HERC3: variants seen among roughly 807,000 people sequenced by gnomAD.
The protein encoded by HERC3 is HECT and RLD domain containing E3 ubiquitin protein ligase 3.
HERC3 carries 58 observed loss-of-function variants against 129.9 expected under a neutral mutation model. That is an observed-to-expected ratio of 0.45 (90% CI 0.36 to 0.56). HERC3 has a LOEUF of 0.56. Ranked by LOEUF, HERC3 falls within the 20% of genes least tolerant of loss-of-function variation. The pLI, the probability that HERC3 is intolerant of heterozygous loss-of-function variation, is 0.00. For missense variants in HERC3, 835 were observed against 1,244.2 expected, an observed-to-expected ratio of 0.67 and a Z score of 4.95; for synonymous variants, 430 against 451.0, an observed-to-expected ratio of 0.95 and a Z score of 0.59.
At chr4:88,667,517 C>T in intron 13 of HERC3, 29 bp downstream of exon 13, 2 of 1,195,390 alleles carry the variant, frequency 1.7e-6, no homozygotes, top group Non-Finnish European at 2.4e-6. Flanking sequence ...AAAGTGCATT[C>T]TTAAAAATGC....
At chr4:88,535,202 A>T in the HERC3 span, among the ~76,000 whole-genome samples, 2 of 152,216 alleles carry the variant, frequency 1.3e-5, no homozygotes, top group Non-Finnish European at 2.9e-5. Flanking sequence ...TAAGCCTGTC[A>T]GGCATCTTTG....
intron 2 of HERC3, among the ~76,000 whole-genome samples, chr4:88,603,251 A>G (rs1006493229): frequency 3.1e-5 from 4 of 130,322 alleles, no homozygotes; most frequent in South Asian, 2.3e-4. Context: ...CTTGTTGCCC[A>G]GGCTGGAGTG....
chr4:88,656,556 T>C (rs1729919996), intron 9 of HERC3: 1 of 154,982 alleles, frequency 6.5e-6, no homozygotes. Flanking sequence ...AAGCCATTCA[T>C]GAGGGATCCG....
At chr4:88,664,967 G>T (rs1166203847) in intron 12 of HERC3, among the ~76,000 whole-genome samples, 1 of 152,090 alleles carries the variant, frequency 6.6e-6, no homozygotes, top group Non-Finnish European at 1.5e-5. Context: ...CTTGTCATGG[G>T]TTTGGATCTT....
chr4:88,591,983 C>G (rs1721738688), upstream of HERC3, among the ~76,000 whole-genome samples: 2 of 152,078 alleles, frequency 1.3e-5, no homozygotes, highest in Non-Finnish European at 2.9e-5. Flanking sequence ...CGCGCAGCGC[C>G]GCGGGCCGGC....
chr4:88,586,205 G>A, the HERC3 span, among the ~76,000 whole-genome samples: 1,674 of 152,296 alleles, frequency 0.011, 39 homozygotes, highest in African/African-American at 0.038. Flanking sequence ...TTGGTTAAAT[G>A]ACAGCATATC....
chr4:88,578,515 G>A, the HERC3 span, among the ~76,000 whole-genome samples: 4 of 151,864 alleles, frequency 2.6e-5, no homozygotes, highest in Non-Finnish European at 5.9e-5. Flanking sequence ...CCGGGGGGTG[G>A]AGGTTGCAGT....
chr4:88,682,473 C>A (rs575133113), intron 21 of HERC3, among the ~76,000 whole-genome samples: 4 of 108,482 alleles, frequency 3.7e-5, no homozygotes, highest in African/African-American at 1.4e-4. Flanking sequence ...CCTTCCCCGA[C>A]CCCCCCACCC....
intron 3 of HERC3, among the ~76,000 whole-genome samples, chr4:88,632,268 G>A (rs944445430): frequency 1.3e-5 from 2 of 152,194 alleles, no homozygotes; most frequent in East Asian, 1.9e-4. Context: ...CCACTCTGTG[G>A]TGTACGCAGG....
chr4:88,643,169 A>C (rs1728315905), intron 3 of HERC3, among the ~76,000 whole-genome samples: 1 of 152,226 alleles, frequency 6.6e-6, no homozygotes, highest in African/African-American at 2.4e-5. Flanking sequence ...CTTAGGTATA[A>C]CTTTAACAAA....
At chr4:88,572,882 G>A in the HERC3 span, among the ~76,000 whole-genome samples, 2 of 151,786 alleles carry the variant, frequency 1.3e-5, no homozygotes, top group Admixed American at 6.6e-5. Flanking sequence ...ATATAAATGG[G>A]GAAAACTTAA....
At chr4:88,525,019 G>T in the HERC3 span, 1 of 109,490 alleles carries the variant, frequency 9.1e-6, no homozygotes, top group African/African-American at 3.5e-5. Flanking sequence ...GGGCCATCCT[G>T]TTTTTTTTAA....
chr4:88,652,621 A>G (rs546190307), intron 5 of HERC3, among the ~76,000 whole-genome samples: 2 of 152,152 alleles, frequency 1.3e-5, no homozygotes, highest in Non-Finnish European at 2.9e-5. Context: ...ATTTACTTAT[A>G]CATTTAATAT....
chr4:88,688,060 A>C (rs1396543291), intron 23 of HERC3, among the ~76,000 whole-genome samples: 1 of 152,222 alleles, frequency 6.6e-6, no homozygotes, highest in African/African-American at 2.4e-5. Context: ...GAGAAGGGTC[A>C]ATGTATGGAA....
At chr4:88,697,727 C>T in intron 23 of HERC3, 1 of 1,610,974 alleles carries the variant, frequency 6.2e-7, no homozygotes, top group Non-Finnish European at 8.5e-7. Flanking sequence ...CTAGGCTCCG[C>T]AGGCCCCTGG....
At chr4:88,572,857 C>A in the HERC3 span, among the ~76,000 whole-genome samples, 1 of 151,404 alleles carries the variant, frequency 6.6e-6, no homozygotes, top group African/African-American at 2.4e-5. Context: ...TTTCATGAAG[C>A]CTATAATTAA....
chr4:88,549,958 C>T, the HERC3 span, among the ~76,000 whole-genome samples: 1 of 152,262 alleles, frequency 6.6e-6, no homozygotes, highest in Admixed American at 6.5e-5. Flanking sequence ...GAGGAAGAGT[C>T]AGCCCATAAA....
the HERC3 span, among the ~76,000 whole-genome samples, chr4:88,530,403 T>C: frequency 6.6e-6 from 1 of 152,204 alleles, no homozygotes; most frequent in Non-Finnish European, 1.5e-5. Context: ...TAATGCATTC[T>C]TTCGTGTATT....
At chr4:88,633,965 G>A (rs1328436202) in intron 3 of HERC3, among the ~76,000 whole-genome samples, 5 of 152,292 alleles carry the variant, frequency 3.3e-5, no homozygotes, top group Admixed American at 2.0e-4. Context: ...CGAGATGGCC[G>A]ATTGGAAGCT....
Sources: allele counts gnomAD v4.1 joint callset (sites outside exome capture counted in the v4.1 genomes callset), GRCh38; gene constraint gnomAD v4.1.1; transcripts MANE v1.5; gene names NCBI Gene and HGNC (gene_info 2026-07-23, HGNC 2026-07-21).